Variants in IPMK observed in about 807,000 individuals in gnomAD.
IPMK encodes the protein inositol 1,3,4,6-tetrakisphosphate 5-kinase.
A neutral mutation model predicts 45.8 loss-of-function variants in IPMK; 17 were observed. The ratio of observed to expected loss-of-function variants is 0.37; its 90% CI spans 0.25 to 0.56. The LOEUF (loss-of-function observed/expected upper bound fraction) is 0.56. IPMK is among the 20% of genes least tolerant of loss of function. IPMK has a pLI of 0.79. For synonymous variants in IPMK, 180 were observed against 184.3 expected (o/e 0.98, Z 0.19); for missense variants, 399 against 498.0 (o/e 0.80, Z 1.89).
At chr10:58,222,154 G>C in intron 3 of IPMK, among the ~76,000 whole-genome samples, 1 of 152,118 alleles carries the variant, frequency 6.6e-6, no homozygotes, top group East Asian at 1.9e-4. Context: ...CAAAGTGCTG[G>C]GATTACAGGT....
intron 1 of IPMK, among the ~76,000 whole-genome samples, chr10:58,256,417 C>T (rs114704471): frequency 2.6e-5 from 4 of 152,146 alleles, no homozygotes; most frequent in Non-Finnish European, 5.9e-5. Context: ...CCAGCAAATT[C>T]TAGTCAGACC....
chr10:58,231,482 G>A (rs751584241), intron 2 of IPMK, among the ~76,000 whole-genome samples: 11 of 152,086 alleles, frequency 7.2e-5, no homozygotes, highest in East Asian at 1.9e-4. Context: ...CGGATCTCTC[G>A]GCAGAAACCC....
chr10:58,250,517 T>C (rs536278421), intron 1 of IPMK, among the ~76,000 whole-genome samples: 1 of 152,208 alleles, frequency 6.6e-6, no homozygotes, highest in Non-Finnish European at 1.5e-5. Context: ...GATTTTTGTA[T>C]GTTGACTTTG....
At chr10:58,255,398 CTG>C (rs1838949854) in intron 1 of IPMK, among the ~76,000 whole-genome samples, 1 of 152,136 alleles carries the variant, frequency 6.6e-6, no homozygotes, top group Non-Finnish European at 1.5e-5. Context: ...GGGAAATTTT[CTG>C]TGAGTGGTGT....
chr10:58,252,551 G>T (rs922580233), intron 1 of IPMK, among the ~76,000 whole-genome samples: 10 of 149,762 alleles, frequency 6.7e-5, no homozygotes, highest in African/African-American at 2.5e-4. Context: ...TCATCACACA[G>T]ATAATAAACA....
At chr10:58,228,596 C>T (rs1210129121) in intron 2 of IPMK, among the ~76,000 whole-genome samples, 1 of 152,184 alleles carries the variant, frequency 6.6e-6, no homozygotes, top group Non-Finnish European at 1.5e-5. Context: ...TGCAGTGGTG[C>T]AATCTCAGCT....
intron 2 of IPMK, among the ~76,000 whole-genome samples, chr10:58,233,710 T>C (rs1838563233): frequency 2.0e-5 from 3 of 152,008 alleles, no homozygotes; most frequent in African/African-American, 7.3e-5. Flanking sequence ...ACAGCCAATA[T>C]CACACGGAAT....
intron 3 of IPMK, among the ~76,000 whole-genome samples, chr10:58,225,408 C>T (rs894084937): frequency 6.6e-6 from 1 of 152,056 alleles, no homozygotes; most frequent in African/African-American, 2.4e-5. Flanking sequence ...TCTATATTAG[C>T]ATAGCTGAAC....
chr10:58,206,150 T>TATAA (rs1838068373), intron 4 of IPMK, among the ~76,000 whole-genome samples: 9 of 152,194 alleles, frequency 5.9e-5, no homozygotes, highest in African/African-American at 2.2e-4. Context: ...TATGACAACA[T>TATAA]GGGTGAACTT....
chr10:58,209,141 C>T (rs1564529051), intron 4 of IPMK, among the ~76,000 whole-genome samples: 1 of 152,140 alleles, frequency 6.6e-6, no homozygotes, highest in Non-Finnish European at 1.5e-5. Context: ...GGGGGGTGCT[C>T]CTCCTGTCAG....
At chr10:58,264,008 G>A (rs1048404996) in intron 1 of IPMK, among the ~76,000 whole-genome samples, 14 of 152,164 alleles carry the variant, frequency 9.2e-5, no homozygotes, top group African/African-American at 2.9e-4. Flanking sequence ...ATCCTGTACT[G>A]AGAAAAACAA....
intron 3 of IPMK, among the ~76,000 whole-genome samples, chr10:58,217,087 G>A (rs1452754532): frequency 6.7e-6 from 1 of 149,898 alleles, no homozygotes; most frequent in Non-Finnish European, 1.5e-5. Context: ...GGCCTCAAGT[G>A]ATCTGCCTGC....
In IPMK at chr10:58,241,689, C is replaced by T. The variant is rs7074692; in HGVS notation, c.191-3875G>A. Among the ~76,000 whole-genome samples the T allele has an allele frequency of 7.0e-3, 1,069 of 152,216 alleles. 11 individuals are homozygous for T. The highest frequency in any genetic ancestry group is 0.024 in the African/African-American group (992 of 41,536). ...CTCTTAGCTTGTAGAAGGTCACCTT[C>T]TCACTGTGTTCTCACATGGCAGACA... On this transcript the variant is annotated intron_variant, in intron 1 of 5. Transcript: ENST00000373935.
chr10:58,207,833 G>A (rs1413874681), intron 4 of IPMK, among the ~76,000 whole-genome samples: 3 of 152,110 alleles, frequency 2.0e-5, no homozygotes, highest in African/African-American at 4.8e-5. Flanking sequence ...GAAGTTTTCC[G>A]TAATTATTCC....
At chr10:58,207,795 TG>T (rs752986585) in intron 4 of IPMK, among the ~76,000 whole-genome samples, 16 of 152,166 alleles carry the variant, frequency 1.1e-4, no homozygotes, top group Non-Finnish European at 1.9e-4. Context: ...TTCTTGTAAT[TG>T]ATGTCTAGAT....
At chr10:58,252,470 T>C (rs2590339) in intron 1 of IPMK, among the ~76,000 whole-genome samples, 50,343 of 149,822 alleles carry the variant, frequency 0.34, 10,733 homozygotes, top group African/African-American at 0.61. Flanking sequence ...TACTTTTAGG[T>C]TCAGCGGTCC....
At position 58,193,779 on chromosome 10, in the gene IPMK, C is replaced by T. The variant is rs1468166965; in HGVS notation, c.*2297G>A. 2 of 151,558 alleles carry T rather than the reference C, an allele frequency of 1.3e-5. No homozygotes were observed. The highest frequency in any genetic ancestry group is 4.8e-5 in the African/African-American group (2 of 41,328). 9.4% of individuals were successfully genotyped at this position (151,558 alleles called of 1,614,324 possible). A position where few individuals can be genotyped will look rare whatever the true frequency, so the allele number is the denominator to read the frequency against. Reference sequence around the variant, plus strand: ...ATGTTCAAATATACTTGGTGAATAGCGATCATTCATCCCCACAGTGGTAAA... The same window carrying T: ...ATGTTCAAATATACTTGGTGAATAGTGATCATTCATCCCCACAGTGGTAAA... On this transcript the variant is annotated 3_prime_UTR_variant, in exon 6 of 6. Transcript: ENST00000373935.
chr10:58,224,181 T>G (rs1838378573), intron 3 of IPMK, among the ~76,000 whole-genome samples: 1 of 152,190 alleles, frequency 6.6e-6, no homozygotes, highest in African/African-American at 2.4e-5. Context: ...CTTGTTTCAG[T>G]TCATGCCTCC....
intron 3 of IPMK, among the ~76,000 whole-genome samples, chr10:58,223,939 T>C (rs937030460): frequency 1.3e-5 from 2 of 151,002 alleles, no homozygotes; most frequent in Non-Finnish European, 2.9e-5. Context: ...TCATCAGCCA[T>C]GCAGAACTGT....
Sources: gnomAD v4.1 joint callset for allele counts (sites outside exome capture counted in the v4.1 genomes callset) on GRCh38, gnomAD v4.1.1 for gene constraint, MANE v1.5 for transcripts, NCBI Gene and HGNC (gene_info 2026-07-23, HGNC 2026-07-21) for gene names.